The following ARVCF variants were observed in gnomAD, a reference collection of about 807,000 sequenced individuals.
ARVCF encodes the protein ARVCF delta catenin family member.
In ARVCF, 66 loss-of-function variants were observed where a neutral mutation model predicts 90.9. That is an observed-to-expected ratio of 0.73 (90% CI 0.60 to 0.89). The LOEUF (loss-of-function observed/expected upper bound fraction) is 0.89. Among genes scored for constraint, ARVCF ranks in the 40% least tolerant of loss-of-function variants. ARVCF has a pLI of 0.00. For synonymous variants in ARVCF, 653 were observed against 603.4 expected, an observed-to-expected ratio of 1.08 and a Z score of -1.21; for missense variants, 1,469 against 1,382.3, an observed-to-expected ratio of 1.06 and a Z score of -1.00.
At chr22:19,977,041 C>T (rs1943196357) in intron 9 of ARVCF, among the ~76,000 whole-genome samples, 2 of 150,888 alleles carry the variant, frequency 1.3e-5, no homozygotes, top group African/African-American at 4.9e-5. Context: ...AGATGGGGGG[C>T]TGCCCCACAG....
intron 2 of ARVCF, among the ~76,000 whole-genome samples, chr22:19,993,704 C>G (rs1215732532): frequency 1.3e-5 from 2 of 152,226 alleles, no homozygotes; most frequent in African/African-American, 4.8e-5. Flanking sequence ...GTTTACTTAG[C>G]CGCAAGGCAG....
Position 19,981,392 on chromosome 22 carries a change from C to A in ARVCF, c.715G>T (p.Gly239Cys), listed in dbSNP as rs1268531607. The change falls in exon 5 of 20, where the codon GGT becomes TGT. Residue 239 changes from glycine to cysteine, a missense_variant. Coordinates refer to ENST00000263207, the MANE Select transcript of ARVCF (RefSeq NM_001670.3). Reference protein sequence around the residue: ...LPGHREAFPVGPEPGPPGGRS... With the variant: ...LPGHREAFPVCPEPGPPGGRS... ...CCACCTGGTGGCCCAGGCTCAGGAC[C>A]CACCGGGAAGGCTTCCCGGTGGCCA... 7.5e-6 allele frequency: 12 copies of A among 1,593,186 alleles called. No homozygotes were observed. In the East Asian group the frequency reaches 2.7e-4, roughly 36 times the overall value.
intron 5 of ARVCF, 69 bp from the exon 6 acceptor site, chr22:19,980,311 T>A: frequency 2.0e-6 from 3 of 1,471,886 alleles, no homozygotes; most frequent in Non-Finnish European, 2.7e-6. Context: ...AGCTGCCCCA[T>A]CACACCTTCT....
chr22:19,999,378 C>A (rs952085802), intron 2 of ARVCF, among the ~76,000 whole-genome samples: 4 of 152,204 alleles, frequency 2.6e-5, no homozygotes, highest in Non-Finnish European at 5.9e-5. Flanking sequence ...AGAGATCCAT[C>A]CTTTTGTAGG....
chr22:19,967,332 C>T (rs1206520641), downstream of ARVCF: 2 of 645,786 alleles, frequency 3.1e-6, no homozygotes, highest in Non-Finnish European at 2.6e-6. Context: ...AAGGCCTAGG[C>T]CATTGTCCTC....
At chr22:19,983,343 A>G (rs1283048219) in intron 3 of ARVCF, among the ~76,000 whole-genome samples, 2 of 152,202 alleles carry the variant, frequency 1.3e-5, no homozygotes, top group Non-Finnish European at 2.9e-5. Context: ...CTCCAGAGGC[A>G]GACTCTGCCC....
downstream of ARVCF, among the ~76,000 whole-genome samples, chr22:19,966,425 G>A (rs1601537279): frequency 1.5e-5 from 2 of 134,614 alleles, no homozygotes; most frequent in African/African-American, 5.8e-5. Flanking sequence ...GAAGAGGAAT[G>A]AGTTCCCCCT....
intron 2 of ARVCF, among the ~76,000 whole-genome samples, chr22:20,006,932 C>A (rs1228858546): frequency 6.6e-6 from 1 of 151,850 alleles, no homozygotes; most frequent in Non-Finnish European, 1.5e-5. Flanking sequence ...GCCTGGCCTA[C>A]CCTTTTGAAA....
In ARVCF at chr22:19,982,109, A is replaced by G; in HGVS notation, c.211-18T>C. ...CTCTGCTCCTGGGGCAAGGAGGGAC[A>G]TTGGTGGGCAGGCCTGCTGCTCAGT... is the stretch of plus-strand genomic sequence containing the variant. On this transcript the variant is annotated intron_variant, in intron 3 of 19. Transcript: ENST00000263207. 13 of 1,608,322 alleles carry G rather than the reference A, an allele frequency of 8.1e-6. No individual in the cohort carries two copies. Among genetic ancestry groups the G allele is most frequent in the Non-Finnish European group, 1.1e-5 (13 of 1,179,654 alleles).
intron 13 of ARVCF, 101 bp downstream of exon 13, chr22:19,973,542 C>A (rs924050266): frequency 1.3e-6 from 2 of 1,506,924 alleles, no homozygotes; most frequent in African/African-American, 1.4e-5. Context: ...AGGGCCGGGG[C>A]CTGGACTCCC....
intron 1 of ARVCF, among the ~76,000 whole-genome samples, chr22:20,014,356 G>T (rs539251486): frequency 6.8e-6 from 1 of 147,264 alleles, no homozygotes; most frequent in Non-Finnish European, 1.5e-5. Flanking sequence ...CACCATGCCC[G>T]ACTAATTTTT....
Position 19,972,968 on chromosome 22 carries a change from C to G in ARVCF, c.2507G>C (p.Arg836Pro). 1 of 1,613,788 alleles carries G rather than the reference C, an allele frequency of 6.2e-7. No homozygotes were observed. The highest frequency in any genetic ancestry group is 8.5e-7 in the Non-Finnish European group (1 of 1,180,030). Reference protein sequence around the residue: ...LQTVWSYKELRGTLQKDGWTK... With the variant: ...LQTVWSYKELPGTLQKDGWTK... ...CCAACCATCTTTCTGCAAGGTACCA[C>G]GCAGCTCCTTGTAGCTCCACACTGT... is the stretch of plus-strand genomic sequence containing the variant. Residue 836 changes from arginine to proline, a missense_variant, in exon 15 of 20, where the codon CGT becomes CCT. Transcript: ENST00000263207.
intron 2 of ARVCF, among the ~76,000 whole-genome samples, chr22:20,004,748 T>C (rs1049191802): frequency 3.3e-5 from 5 of 152,162 alleles, no homozygotes; most frequent in Non-Finnish European, 7.3e-5. Context: ...CCCTCATGAA[T>C]ACGGTCAAAT....
intron 10 of ARVCF, 92 bp downstream of exon 10, chr22:19,976,614 G>A: frequency 1.4e-6 from 2 of 1,479,332 alleles, no homozygotes; most frequent in Non-Finnish European, 1.8e-6. Context: ...AGCCAGGGGT[G>A]GGGCAGGGCC....
At chr22:19,968,506 C>A (rs1942551374), downstream of ARVCF, 1 of 1,606,248 alleles carries the variant, frequency 6.2e-7, no homozygotes, top group Non-Finnish European at 8.5e-7. Flanking sequence ...CTCTGACCCT[C>A]ACCTCCCCCA....
intron 9 of ARVCF, among the ~76,000 whole-genome samples, 154 bp from the exon 10 acceptor site, chr22:19,976,877 C>A (rs1421726882): frequency 6.6e-6 from 1 of 152,130 alleles, no homozygotes; most frequent in African/African-American, 2.4e-5. Flanking sequence ...CTTCTGGGCA[C>A]TGAGCACCCA....
Position 19,971,874 on chromosome 22 carries a change from A to G in ARVCF, c.2781+12T>C, listed in dbSNP as rs777526976. 21 of 1,613,240 alleles carry G rather than the reference A, an allele frequency of 1.3e-5. No homozygotes were observed. Among genetic ancestry groups the G allele is most frequent in the African/African-American group, 8.0e-5 (6 of 75,056 alleles). Reference sequence around the variant, plus strand: ...TCACCGGGGACCTGCCCACAGCCACATGACCACTTACTTTCAAGGGTTCCT... The same window carrying G: ...TCACCGGGGACCTGCCCACAGCCACGTGACCACTTACTTTCAAGGGTTCCT... On this transcript the variant is annotated intron_variant, in intron 18 of 19. Coordinates refer to ENST00000263207, the MANE Select transcript of ARVCF (RefSeq NM_001670.3).
chr22:19,968,536 G>A, downstream of ARVCF: 1 of 1,613,826 alleles, frequency 6.2e-7, no homozygotes, highest in Non-Finnish European at 8.5e-7. Context: ...CTGTTTGCAG[G>A]AATGTGGCCT....
In ARVCF at chr22:19,973,688, C is replaced by T. The variant is rs1239230402; in HGVS notation, c.2194G>A (p.Ala732Thr). 1.9e-6 allele frequency: 3 copies of T among 1,610,388 alleles called. No individual in the cohort carries two copies. Among genetic ancestry groups the T allele is most frequent in the Non-Finnish European group, 2.5e-6 (3 of 1,179,842 alleles). The change falls in exon 13 of 20, where the codon GCT becomes ACT. Residue 732 changes from alanine to threonine, a missense_variant. By Grantham distance (58) the Ala-to-Thr change is moderately conservative. Transcript: ENST00000263207. ...CGGTCCAGCGAGAGGTTGCGCAGAGCGATGGCGACGGCGCGCACCACCTTG... is the reference window on the plus strand; with the variant it reads ...CGGTCCAGCGAGAGGTTGCGCAGAGTGATGGCGACGGCGCGCACCACCTTG... ...TDKVVRAVAI[A>T]LRNLSLDRRN...
Sources: gnomAD v4.1 joint callset for allele counts (sites outside exome capture counted in the v4.1 genomes callset) on GRCh38, gnomAD v4.1.1 for gene constraint, MANE v1.5 for transcripts, NCBI Gene and HGNC (gene_info 2026-07-23, HGNC 2026-07-21) for gene names.